Variants in MAP6 observed in about 807,000 individuals in gnomAD.
MAP6 encodes microtubule-associated protein 6.
A neutral mutation model predicts 42.4 loss-of-function variants in MAP6; 26 were observed. The observed-to-expected ratio is 0.61, with a 90% CI of 0.45 to 0.85. MAP6 has a LOEUF of 0.85. MAP6 is among the 40% of genes least tolerant of loss of function. MAP6 has a pLI of 0.00. For missense variants in MAP6, 966 were observed against 1,099.0 expected (o/e 0.88, Z 1.71); for synonymous variants, 418 against 443.8 (o/e 0.94, Z 0.73).
intron 1 of MAP6, among the ~76,000 whole-genome samples, chr11:75,643,525 A>G (rs922678829): frequency 6.6e-6 from 1 of 152,224 alleles, no homozygotes; most frequent in African/African-American, 2.4e-5. Flanking sequence ...TCAACTGTGA[A>G]GTCTTTTCTG....
chr11:75,609,963 C>A (rs778082338), intron 1 of MAP6, among the ~76,000 whole-genome samples: 10 of 152,158 alleles, frequency 6.6e-5, no homozygotes, highest in Non-Finnish European at 8.8e-5. Context: ...TTAACCAATT[C>A]CTGGATTAGT....
chr11:75,638,380 G>A (rs573945982), intron 1 of MAP6: 1 of 152,310 alleles, frequency 6.6e-6, no homozygotes, highest in African/African-American at 2.4e-5. Flanking sequence ...TGGTCACTAA[G>A]GACTCCGCAC....
intron 1 of MAP6, among the ~76,000 whole-genome samples, chr11:75,625,118 G>A (rs1943174696): frequency 6.6e-6 from 1 of 152,132 alleles, no homozygotes; most frequent in South Asian, 2.1e-4. Flanking sequence ...GGATTTTCAG[G>A]CAGGGAAGGA....
chr11:75,588,844 GT>G (rs1361873548), intron 3 of MAP6, among the ~76,000 whole-genome samples: 1 of 152,204 alleles, frequency 6.6e-6, no homozygotes, highest in African/African-American at 2.4e-5. Context: ...CCAGCTATTA[GT>G]TTTTTGTTAT....
intron 1 of MAP6, among the ~76,000 whole-genome samples, chr11:75,643,938 C>T (rs961472986): frequency 2.0e-5 from 3 of 152,142 alleles, no homozygotes; most frequent in Non-Finnish European, 4.4e-5. Flanking sequence ...AAAAGCAGCC[C>T]GTCTCTTAGG....
rs1409491797 is a variant in MAP6 at position 75,640,196 on chromosome 11, CA to C, written c.905+27268del. Among the ~76,000 whole-genome samples, 10 of 145,960 alleles carry C rather than the reference CA, an allele frequency of 6.9e-5. No individual in the cohort carries two copies. In the South Asian group the frequency reaches 8.4e-4, roughly 12 times the overall value. On this transcript the variant is annotated intron_variant, in intron 1 of 3. Coordinates refer to ENST00000304771, the MANE Select transcript of MAP6 (RefSeq NM_033063.2). ...CCTCCCCAACCAACCCCCACCCCCC[CA>C]CACACACACTCACACACATACACAC...
At chr11:75,595,551 A>G (rs1196157457) in intron 3 of MAP6, among the ~76,000 whole-genome samples, 1 of 152,108 alleles carries the variant, frequency 6.6e-6, no homozygotes, top group Non-Finnish European at 1.5e-5. Context: ...TCTGCCCTGG[A>G]GTCTATACCT....
At chr11:75,605,033 GC>G (rs1394730596) in intron 3 of MAP6, 1 of 985,364 alleles carries the variant, frequency 1.0e-6, no homozygotes, top group Non-Finnish European at 1.2e-6. Flanking sequence ...CAGGTGGTCG[GC>G]CGAGGAGAAT....
rs758193956 is a variant in MAP6 at position 75,587,143 on chromosome 11, G to T, written c.2358C>A (p.Asp786Glu). The change falls in exon 4 of 4, where the codon GAC (aspartate) becomes GAA (glutamate). Residue 786 changes from aspartate (D) to glutamate (E), a missense_variant. Physicochemically the swap from Asp to Glu is conservative, Grantham distance 45. This residue lies in a region of MAP6 where 943 missense variants were observed against 1,049.9 expected (regional missense o/e 0.90). Coordinates refer to ENST00000304771, the MANE Select transcript of MAP6 (RefSeq NM_033063.2). ...PEPLKTQGPRDPQLPTVSPLP... is the reference protein window; with the variant it reads ...PEPLKTQGPREPQLPTVSPLP... ...GAGGTGAGACAGTAGGTAGCTGAGG[G>T]TCCCTGGGACCTTGAGTCTTCAGAG... 1 of 1,613,902 alleles carries T rather than the reference G, an allele frequency of 6.2e-7. No homozygotes were observed. Among genetic ancestry groups the T allele is most frequent in the Non-Finnish European group, 8.5e-7 (1 of 1,179,834 alleles).
At chr11:75,603,773 A>C (rs1942708680) in intron 3 of MAP6, 1 of 985,098 alleles carries the variant, frequency 1.0e-6, no homozygotes, top group Non-Finnish European at 1.2e-6. Context: ...ACGGGCTTCT[A>C]GCAAGGGAAT....
intron 3 of MAP6, 92 bp downstream of exon 3, chr11:75,605,716 T>C (rs1038891673): frequency 3.2e-6 from 5 of 1,555,332 alleles, no homozygotes; most frequent in East Asian, 4.5e-5. Flanking sequence ...CTAATTAATT[T>C]TGTGGCCTTT....
chr11:75,660,028 A>G (rs1943815947), intron 1 of MAP6, among the ~76,000 whole-genome samples: 1 of 152,260 alleles, frequency 6.6e-6, no homozygotes. Context: ...AAAATGCCTC[A>G]GTAAAAATGT....
intron 1 of MAP6, among the ~76,000 whole-genome samples, chr11:75,617,816 A>G (rs1377661120): frequency 6.6e-6 from 1 of 152,138 alleles, no homozygotes; most frequent in East Asian, 1.9e-4. Context: ...TACCAGTCCT[A>G]GGAATGCTGG....
At chr11:75,659,971 A>G (rs1018050424) in intron 1 of MAP6, among the ~76,000 whole-genome samples, 2 of 152,180 alleles carry the variant, frequency 1.3e-5, no homozygotes, top group Admixed American at 1.3e-4. Context: ...CTTGGTCAGC[A>G]TTGTATTTCT....
intron 1 of MAP6, among the ~76,000 whole-genome samples, chr11:75,623,357 G>A (rs901540530): frequency 1.3e-5 from 2 of 152,156 alleles, no homozygotes; most frequent in Non-Finnish European, 2.9e-5. Flanking sequence ...TTTCAGAGAC[G>A]GCTGCACCAA....
At position 75,587,370 on chromosome 11, in the gene MAP6, CG is replaced by C; in HGVS notation, c.2130del (p.Glu711SerfsTer3). ...ATGGGGTCTTGATTCTTCACGGACTCGGGGACCACAGGACCTTGATTCTTTA... is the reference window on the plus strand; with the variant it reads ...ATGGGGTCTTGATTCTTCACGGACTCGGGACCACAGGACCTTGATTCTTTA... ...APVKNQGPVV[P>X]ESVKNQDPIL... is the part of the protein sequence containing the mutation. On this transcript the variant is annotated frameshift_variant, in exon 4 of 4. Coordinates refer to ENST00000304771, the MANE Select transcript of MAP6 (RefSeq NM_033063.2). LOFTEE classifies it high-confidence loss of function. 6.2e-7 allele frequency: 1 copy of C among 1,614,084 alleles called. No homozygotes were observed. The highest frequency in any genetic ancestry group is 1.7e-5 in the Admixed American group (1 of 60,012).
chr11:75,660,899 G>A (rs1377575586), intron 1 of MAP6, among the ~76,000 whole-genome samples: 2 of 151,334 alleles, frequency 1.3e-5, no homozygotes, highest in Non-Finnish European at 2.9e-5. Context: ...AAAAAGAGAT[G>A]CTCAACAAAA....
In MAP6 at chr11:75,667,945, T is replaced by G; in HGVS notation, c.425A>C (p.Glu142Ala). 7.4e-7 allele frequency: 1 copy of G among 1,350,102 alleles called. No individual in the cohort carries two copies. Among genetic ancestry groups the G allele is most frequent in the Non-Finnish European group, 9.6e-7 (1 of 1,044,828 alleles). 83.6% of individuals were successfully genotyped at this position (1,350,102 alleles called of 1,614,324 possible). Residue 142 changes from glutamate to alanine, a missense_variant, in exon 1 of 4, where the codon GAA becomes GCA. Transcript: ENST00000304771. This position sits in a 1 kb window ranked among gnomAD's most constrained non-coding sequence, Gnocchi z 5.6. ...RPEPSCRPRS[E>A]YQPSDAPFER... ...GAAGGGAGCGTCGGAGGGCTGGTAT[T>G]CGCTGCGCGGCCGGCAGCTGGGCTC... is the stretch of plus-strand genomic sequence containing the variant.
At chr11:75,603,290 G>A in intron 3 of MAP6, 1 of 985,780 alleles carries the variant, frequency 1.0e-6, no homozygotes, top group Non-Finnish European at 1.2e-6. Flanking sequence ...AGTGGGACGA[G>A]CTTTGGAAGC....
Sources: allele counts gnomAD v4.1 joint callset (sites outside exome capture counted in the v4.1 genomes callset), GRCh38; gene constraint gnomAD v4.1.1; regional missense constraint gnomAD v4.1.1; non-coding constraint Gnocchi (gnomAD v3.1); transcripts MANE v1.5; gene names NCBI Gene and HGNC (gene_info 2026-07-23, HGNC 2026-07-21).